Variants in ACAP2 observed in about 807,000 individuals in gnomAD.
ACAP2 encodes arf-GAP with coiled-coil, ANK repeat and PH domain-containing protein 2.
In ACAP2, 39 loss-of-function variants were observed where a neutral mutation model predicts 115.8. The ratio of observed to expected loss-of-function variants is 0.34; its 90% CI spans 0.26 to 0.44. The LOEUF (loss-of-function observed/expected upper bound fraction) is 0.44, where lower values mean the gene tolerates loss of function less well. ACAP2 is among the 20% of genes least tolerant of loss of function. The probability of loss-of-function intolerance (pLI) is 1.00; values close to 1 mark genes in which losing one functional copy is unlikely to be tolerated. For synonymous variants in ACAP2, 289 were observed against 315.8 expected (o/e 0.92, Z 0.90); for missense variants, 662 against 927.6 (o/e 0.71, Z 3.72).
intron 4 of ACAP2, chr3:195,355,969 T>G: frequency 2.7e-6 from 1 of 364,408 alleles, no homozygotes; most frequent in Middle Eastern, 6.8e-4. Context: ...AATAGAAGCC[T>G]CCACCGATTG....
intron 13 of ACAP2, among the ~76,000 whole-genome samples, chr3:195,305,561 G>A (rs1050195263): frequency 2.6e-5 from 4 of 151,752 alleles, no homozygotes; most frequent in Admixed American, 6.6e-5. Context: ...ATGGGATACA[G>A]GAAAGAGAAG....
At chr3:195,429,613 G>A (rs1714955802) in intron 1 of ACAP2, among the ~76,000 whole-genome samples, 1 of 152,152 alleles carries the variant, frequency 6.6e-6, no homozygotes, top group African/African-American at 2.4e-5. Flanking sequence ...AAAATAGGCT[G>A]TATCGTGACA....
intron 15 of ACAP2, among the ~76,000 whole-genome samples, chr3:195,300,044 C>CTTTTTTTTTTTT (rs765234326): frequency 1.0e-3 from 35 of 34,352 alleles, no homozygotes; most frequent in African/African-American, 1.8e-3. Flanking sequence ...CTTTTTTTTT[C>CTTTTTTTTTTTT]TTTTTTTTTT....
At chr3:195,296,001 T>C (rs1727635844) in intron 16 of ACAP2, 109 bp from the exon 17 acceptor site, 1 of 842,290 alleles carries the variant, frequency 1.2e-6, no homozygotes, top group East Asian at 2.7e-5. Context: ...CTGAATGTAA[T>C]ACTGGTTAAA....
intron 1 of ACAP2, among the ~76,000 whole-genome samples, chr3:195,392,513 T>G (rs1047596976): frequency 6.6e-6 from 1 of 152,224 alleles, no homozygotes; most frequent in African/African-American, 2.4e-5. Context: ...GCAACCAAAC[T>G]GCAAGGCGTT....
At chr3:195,399,447 G>A (rs1343758467) in intron 1 of ACAP2, among the ~76,000 whole-genome samples, 3 of 152,068 alleles carry the variant, frequency 2.0e-5, no homozygotes, top group African/African-American at 7.2e-5. Context: ...GCCTCCCAAA[G>A]TACTAGGATT....
At chr3:195,414,937 G>A (rs1257400807) in intron 1 of ACAP2, among the ~76,000 whole-genome samples, 1 of 152,138 alleles carries the variant, frequency 6.6e-6, no homozygotes, top group Non-Finnish European at 1.5e-5. Context: ...CAAAAACTAT[G>A]GAGACAGTAA....
At chr3:195,282,278 G>C (rs1464923568) in intron 22 of ACAP2, 1 of 152,154 alleles carries the variant, frequency 6.6e-6, no homozygotes, top group Non-Finnish European at 1.5e-5. Flanking sequence ...AGACTCAAAT[G>C]CTTCCTTGAA....
At chr3:195,281,632 A>G (rs1466269168) in intron 22 of ACAP2, among the ~76,000 whole-genome samples, 1 of 152,212 alleles carries the variant, frequency 6.6e-6, no homozygotes, top group East Asian at 1.9e-4. Flanking sequence ...ACTCATATTG[A>G]CATGACTAAA....
At chr3:195,407,362 TA>T (rs1424066727) in intron 1 of ACAP2, among the ~76,000 whole-genome samples, 1 of 151,560 alleles carries the variant, frequency 6.6e-6, no homozygotes, top group Non-Finnish European at 1.5e-5. Context: ...TTTTTTAAAT[TA>T]AAAAAAGGAA....
At chr3:195,398,830 A>G (rs1436646992) in intron 1 of ACAP2, among the ~76,000 whole-genome samples, 1 of 152,130 alleles carries the variant, frequency 6.6e-6, no homozygotes, top group Non-Finnish European at 1.5e-5. Flanking sequence ...TGAGAAATTC[A>G]GTCCTGTAAT....
intron 4 of ACAP2, among the ~76,000 whole-genome samples, chr3:195,365,935 G>A (rs111618762): frequency 0.072 from 10,801 of 151,054 alleles, 500 homozygotes; most frequent in East Asian, 0.19. Flanking sequence ...TGCACTTCCT[G>A]GGTTCAAGCA....
intron 8 of ACAP2, among the ~76,000 whole-genome samples, chr3:195,332,133 CAA>C (rs538950489): frequency 4.2e-4 from 25 of 59,326 alleles, no homozygotes; most frequent in Non-Finnish European, 4.0e-4. Flanking sequence ...GACTCCACCT[CAA>C]AAAAAAAAAA....
At chr3:195,299,050 G>GTT (rs1727847319) in intron 15 of ACAP2, among the ~76,000 whole-genome samples, 1 of 152,044 alleles carries the variant, frequency 6.6e-6, no homozygotes, top group South Asian at 2.1e-4. Flanking sequence ...ATTACTTCTA[G>GTT]TTTTATACAG....
chr3:195,383,729 A>C (rs1049946033), intron 2 of ACAP2, among the ~76,000 whole-genome samples: 14 of 152,162 alleles, frequency 9.2e-5, no homozygotes, highest in African/African-American at 3.4e-4. Context: ...AAACAATATT[A>C]AGATAAATCA....
chr3:195,401,004 T>C (rs1372459625), intron 1 of ACAP2, among the ~76,000 whole-genome samples: 1 of 152,114 alleles, frequency 6.6e-6, no homozygotes, highest in Non-Finnish European at 1.5e-5. Context: ...TTCAGACCAG[T>C]CCCAGCAGCA....
At position 195,382,025 on chromosome 3, in the gene ACAP2, G is replaced by T; in HGVS notation, c.112-3C>A. The T allele has an allele frequency of 1.3e-6, 2 of 1,582,928 alleles. No homozygotes were observed. Among genetic ancestry groups the T allele is most frequent in the South Asian group, 1.2e-5 (1 of 85,498 alleles). ...ATTGCAATACAAAGTTTCACAAGCT[G>T]AAAAAGAAAAAAAAAATTCATCAGG... On this transcript the variant is annotated splice_polypyrimidine_tract_variant and splice_region_variant and intron_variant, in intron 2 of 22. Transcript: ENST00000326793.
At chr3:195,379,900 T>C (rs764208059) in intron 4 of ACAP2, among the ~76,000 whole-genome samples, 4 of 152,102 alleles carry the variant, frequency 2.6e-5, no homozygotes. Flanking sequence ...ACTGCATGAG[T>C]CATTAGGGAA....
chr3:195,321,778 A>G (rs542398873), intron 9 of ACAP2, among the ~76,000 whole-genome samples: 6 of 151,064 alleles, frequency 4.0e-5, no homozygotes, highest in African/African-American at 1.5e-4. Flanking sequence ...ATGCCCAGCT[A>G]ATTTTTGTAT....
Sources: gnomAD v4.1 joint callset for allele counts (sites outside exome capture counted in the v4.1 genomes callset) on GRCh38, gnomAD v4.1.1 for gene constraint, MANE v1.5 for transcripts, NCBI Gene and HGNC (gene_info 2026-07-23, HGNC 2026-07-21) for gene names.